RBFOX1: variants seen among roughly 807,000 people sequenced by gnomAD.
RBFOX1 encodes RNA binding protein fox-1 homolog 1.
In RBFOX1, 8 loss-of-function variants were observed where a neutral mutation model predicts 57.7. The observed-to-expected ratio is 0.14, with a 90% confidence interval of 0.08 to 0.25. The LOEUF (loss-of-function observed/expected upper bound fraction) is 0.25. Among genes scored for constraint, RBFOX1 ranks in the 10% least tolerant of loss-of-function variants. The pLI is 1.00. For missense variants in RBFOX1, 611 were observed against 548.5 expected (o/e 1.11, Z -1.14); for synonymous variants, 326 against 222.4 (o/e 1.47, Z -4.15).
At chr16:6,433,910 C>A (rs9928325) in intron 2 of RBFOX1, among the ~76,000 whole-genome samples, 42,986 of 148,556 alleles carry the variant, frequency 0.29, 6,702 homozygotes, top group African/African-American at 0.39. Context: ...TATAGTGGCA[C>A]CATCTCTGCT....
chr16:6,843,967 T>G (rs990999751), intron 3 of RBFOX1, among the ~76,000 whole-genome samples: 14 of 152,180 alleles, frequency 9.2e-5, no homozygotes. Context: ...GCTTGGATCG[T>G]AATGTGTACA....
At chr16:7,435,475 G>T (rs939780159) in intron 4 of RBFOX1, among the ~76,000 whole-genome samples, 1 of 152,172 alleles carries the variant, frequency 6.6e-6, no homozygotes, top group Non-Finnish European at 1.5e-5. Context: ...TTTGCATACT[G>T]TGCTCTTTGG....
chr16:5,671,749 G>T (rs1206763534), intron 3 of RBFOX1, among the ~76,000 whole-genome samples: 1 of 152,154 alleles, frequency 6.6e-6, no homozygotes, highest in Non-Finnish European at 1.5e-5. Flanking sequence ...TGCTAATTCA[G>T]AGCTGCCCAG....
At chr16:7,458,184 T>C (rs1015041416) in intron 4 of RBFOX1, among the ~76,000 whole-genome samples, 6 of 152,174 alleles carry the variant, frequency 3.9e-5, no homozygotes, top group Admixed American at 1.3e-4. Flanking sequence ...GCCAGAGCCA[T>C]ATGCATTACA....
chr16:7,090,939 C>T (rs1308902478), intron 4 of RBFOX1, among the ~76,000 whole-genome samples: 1 of 152,156 alleles, frequency 6.6e-6, no homozygotes, highest in Non-Finnish European at 1.5e-5. Flanking sequence ...TTAATTCCGC[C>T]AGGATTAGAG....
intron 1 of RBFOX1, among the ~76,000 whole-genome samples, chr16:6,139,281 C>G (rs1397765880): frequency 6.6e-6 from 1 of 152,078 alleles, no homozygotes; most frequent in Non-Finnish European, 1.5e-5. Context: ...CTGAGTGATA[C>G]GATCGTTTCA....
intron 4 of RBFOX1, among the ~76,000 whole-genome samples, chr16:7,429,789 A>G (rs947108371): frequency 3.9e-5 from 6 of 152,312 alleles, no homozygotes; most frequent in African/African-American, 9.6e-5. Flanking sequence ...CATAGACCCT[A>G]TTATTTCCCT....
At chr16:6,238,817 G>C (rs1426885994) in intron 1 of RBFOX1, among the ~76,000 whole-genome samples, 2 of 152,086 alleles carry the variant, frequency 1.3e-5, no homozygotes, top group Non-Finnish European at 2.9e-5. Context: ...GAGATGTTTT[G>C]ATATAGACGT....
At chr16:7,592,922 G>A (rs1003458967) in intron 7 of RBFOX1, among the ~76,000 whole-genome samples, 64 of 151,212 alleles carry the variant, frequency 4.2e-4, no homozygotes, top group African/African-American at 1.5e-3. Context: ...AGCAATGAAT[G>A]CTCCCACCTC....
intron 4 of RBFOX1, among the ~76,000 whole-genome samples, chr16:5,941,651 A>G (rs1300250176): frequency 2.0e-5 from 3 of 152,196 alleles, no homozygotes; most frequent in Non-Finnish European, 2.9e-5. Context: ...ATTGGAGCAC[A>G]TGGAAGACCT....
intron 1 of RBFOX1, among the ~76,000 whole-genome samples, chr16:6,294,384 A>G (rs1378081520): frequency 6.6e-6 from 1 of 152,186 alleles, no homozygotes; most frequent in Non-Finnish European, 1.5e-5. Flanking sequence ...TTTAATGTTG[A>G]TTGTTAAGCC....
chr16:7,670,663 T>C (rs1303059760), intron 13 of RBFOX1, among the ~76,000 whole-genome samples: 1 of 152,162 alleles, frequency 6.6e-6, no homozygotes, highest in African/African-American at 2.4e-5. Flanking sequence ...GCTTAGACTT[T>C]TAACATAAGG....
rs76951740 is a variant in RBFOX1, at chr16:6,404,455, A to G, written c.-64+87398A>G. Among the ~76,000 whole-genome samples, 569 of 152,142 alleles carry G rather than the reference A, an allele frequency of 3.7e-3. 4 individuals carry two copies. Among genetic ancestry groups the G allele is most frequent in the African/African-American group, 0.013 (531 of 41,504 alleles). On this transcript the variant is annotated intron_variant, in intron 2 of 15. Transcript: ENST00000550418. ...CAAGGAGAGTTCAGTTACAAATGCA[A>G]TTTTCCCCTAAAGTAACTTGGTTCC...
chr16:6,041,962 A>T (rs12933679), intron 1 of RBFOX1, among the ~76,000 whole-genome samples: 6 of 151,960 alleles, frequency 3.9e-5, no homozygotes, highest in Admixed American at 3.3e-4. Flanking sequence ...AGGCCCTAGG[A>T]AAGAATCCCT....
chr16:6,893,160 C>G (rs775315526), intron 3 of RBFOX1, among the ~76,000 whole-genome samples: 1 of 152,058 alleles, frequency 6.6e-6, no homozygotes. Context: ...ACAGCTCTTT[C>G]ACCTCATTTT....
chr16:7,371,352 C>T (rs4306527), intron 4 of RBFOX1, among the ~76,000 whole-genome samples: 14 of 151,956 alleles, frequency 9.2e-5, no homozygotes, highest in African/African-American at 3.4e-4. Context: ...ATGCTAGTAA[C>T]GGAAGACGGG....
At chr16:6,424,830 G>T (rs750653961) in intron 2 of RBFOX1, among the ~76,000 whole-genome samples, 3 of 152,148 alleles carry the variant, frequency 2.0e-5, no homozygotes, top group Admixed American at 6.5e-5. Flanking sequence ...CAATGGGATG[G>T]AAGAGTGTTC....
intron 3 of RBFOX1, among the ~76,000 whole-genome samples, chr16:6,824,175 C>T (rs1006281736): frequency 3.9e-5 from 6 of 152,188 alleles, no homozygotes; most frequent in African/African-American, 1.4e-4. Flanking sequence ...GAGGCCAGGG[C>T]GGGTGGATCA....
chr16:6,941,046 G>A (rs1029696132), intron 3 of RBFOX1, among the ~76,000 whole-genome samples: 3 of 152,050 alleles, frequency 2.0e-5, no homozygotes, highest in Admixed American at 2.0e-4. Context: ...GGACGCCTAT[G>A]TGCGTGTACG....
Sources: gnomAD v4.1 joint callset for allele counts (sites outside exome capture counted in the v4.1 genomes callset) on GRCh38, gnomAD v4.1.1 for gene constraint, MANE v1.5 for transcripts, NCBI Gene and HGNC (gene_info 2026-07-23, HGNC 2026-07-21) for gene names.